Variants in EIF4G3 observed in about 807,000 individuals in gnomAD.
EIF4G3 encodes the protein eIF-4-gamma 3.
Under a neutral mutation model 186.4 loss-of-function variants are expected in EIF4G3, and 34 were observed. The ratio of observed to expected loss-of-function variants is 0.18; its 90% CI spans 0.14 to 0.24. The LOEUF is 0.24. Ranked by LOEUF, EIF4G3 falls within the 10% of genes least tolerant of loss-of-function variation. The pLI is 1.00. For missense variants in EIF4G3, 1,536 were observed against 1,948.5 expected, an observed-to-expected ratio of 0.79 and a Z score of 3.99; for synonymous variants, 673 against 679.5, an observed-to-expected ratio of 0.99 and a Z score of 0.15.
At chr1:20,819,531 C>T (rs1282731981) in intron 33 of EIF4G3, among the ~76,000 whole-genome samples, 2 of 152,104 alleles carry the variant, frequency 1.3e-5, no homozygotes, top group Admixed American at 6.6e-5. Context: ...TATCATGGCT[C>T]ACTGCAGCCT....
At chr1:20,814,762 TCCCCCTCCCCCTCC>T (rs2060053750) in intron 34 of EIF4G3, among the ~76,000 whole-genome samples, 1 of 15,226 alleles carries the variant, frequency 6.6e-5, no homozygotes, top group Non-Finnish European at 1.2e-4. Context: ...CCCCTCCCCC[TCCCCCTCCCCCTCC>T]CCCTCCCCCT....
At chr1:21,131,559 A>C (rs1362887823) in intron 2 of EIF4G3, among the ~76,000 whole-genome samples, 1 of 152,166 alleles carries the variant, frequency 6.6e-6, no homozygotes, top group Non-Finnish European at 1.5e-5. Flanking sequence ...GAAACATCAA[A>C]ATCAAACAGC....
chr1:21,051,059 G>A, intron 3 of EIF4G3, 65 bp from the exon 4 acceptor site: 1 of 701,450 alleles, frequency 1.4e-6, no homozygotes, highest in South Asian at 1.5e-5. Context: ...AAATACAGCT[G>A]AACTATCTGA....
chr1:20,963,074 C>G (rs971824785), intron 12 of EIF4G3, among the ~76,000 whole-genome samples: 9 of 151,762 alleles, frequency 5.9e-5, no homozygotes, highest in Non-Finnish European at 1.0e-4. Context: ...TCTGTTGACA[C>G]TTCTCTCTGT....
intron 7 of EIF4G3, among the ~76,000 whole-genome samples, chr1:20,988,025 G>A (rs1403321392): frequency 6.6e-6 from 1 of 152,196 alleles, no homozygotes; most frequent in Non-Finnish European, 1.5e-5. Context: ...AGTTTGGATA[G>A]AAGATCAAAC....
At chr1:20,983,005 T>C (rs887205680) in intron 7 of EIF4G3, among the ~76,000 whole-genome samples, 3 of 152,174 alleles carry the variant, frequency 2.0e-5, no homozygotes, top group Non-Finnish European at 4.4e-5. Context: ...AGCAAAATAT[T>C]CGTTGCTATC....
At chr1:20,818,154 A>C (rs1388244746) in intron 33 of EIF4G3, among the ~76,000 whole-genome samples, 1 of 152,072 alleles carries the variant, frequency 6.6e-6, no homozygotes, top group Non-Finnish European at 1.5e-5. Context: ...TAGCTCTTTA[A>C]GGCAGGATAG....
At position 21,007,530 on chromosome 1, in the gene EIF4G3, A is replaced by C. The variant is rs866717045; in HGVS notation, c.-66-4722T>G. 2.3e-4 allele frequency among the ~76,000 whole-genome samples: 33 copies of C among 142,788 alleles called. 1 individual carries two copies. Among genetic ancestry groups the C allele is most frequent in the African/African-American group, 8.3e-4 (32 of 38,426 alleles). 93.7% of individuals were successfully genotyped at this position (142,788 alleles called of 152,430 possible). A position where few individuals can be genotyped will look rare whatever the true frequency, so the allele number is the denominator to read the frequency against. ...GGCCCCTCCTTAAAAAAAAAAAAAA[A>C]AAAAAAACACACTCAAAAACAAAAA... On this transcript the variant is annotated intron_variant, in intron 4 of 36. Transcript: ENST00000602326.
chr1:20,921,959 G>T (rs928298149), intron 14 of EIF4G3, among the ~76,000 whole-genome samples: 1 of 152,202 alleles, frequency 6.6e-6, no homozygotes, highest in African/African-American at 2.4e-5. Flanking sequence ...ATTTGTCTCA[G>T]AGTAGTAAAT....
At position 20,864,686 on chromosome 1, in the gene EIF4G3, A is replaced by G; in HGVS notation, c.2796T>C (p.Asp932=). 1 of 1,614,174 alleles carries G rather than the reference A, an allele frequency of 6.2e-7. No individual in the cohort carries two copies. The highest frequency in any genetic ancestry group is 8.5e-7 in the Non-Finnish European group (1 of 1,180,018). ...SAPEERTRLH[D]ELEEAKDKAR... is the part of the protein sequence containing the mutation. Reference sequence around the variant, plus strand: ...CTTTGTCCTTGGCTTCTTCCAGTTCATCATGAAGCCTTGTCCTCTCCTCTG... The same window carrying G: ...CTTTGTCCTTGGCTTCTTCCAGTTCGTCATGAAGCCTTGTCCTCTCCTCTG... The change falls in exon 22 of 37, where the codon GAT becomes GAC. Residue 932 remains aspartate, a synonymous_variant. Transcript: ENST00000602326.
intron 2 of EIF4G3, among the ~76,000 whole-genome samples, chr1:21,110,590 T>A (rs1402419378): frequency 6.6e-6 from 1 of 151,574 alleles, no homozygotes; most frequent in African/African-American, 2.4e-5. Context: ...CCACCACGCC[T>A]GGCCTAATTT....
intron 33 of EIF4G3, among the ~76,000 whole-genome samples, chr1:20,823,952 A>G (rs2063009929): frequency 6.6e-6 from 1 of 152,232 alleles, no homozygotes; most frequent in Non-Finnish European, 1.5e-5. Context: ...TTCTCCAAAG[A>G]GCATTTTGAT....
chr1:21,160,131 G>A (rs1035604770), intron 2 of EIF4G3, among the ~76,000 whole-genome samples: 2 of 151,612 alleles, frequency 1.3e-5, no homozygotes, highest in Non-Finnish European at 2.9e-5. Context: ...AAAGATAATG[G>A]CTTCTTGAAA....
intron 3 of EIF4G3, among the ~76,000 whole-genome samples, chr1:21,065,397 C>CA (rs3081969): frequency 0.12 from 14,778 of 124,044 alleles, 989 homozygotes; most frequent in East Asian, 0.21. Context: ...TTGTTTCTAC[C>CA]AAAAAAAAAA....
At chr1:20,911,231 A>G (rs2093140673) in intron 14 of EIF4G3, among the ~76,000 whole-genome samples, 1 of 152,154 alleles carries the variant, frequency 6.6e-6, no homozygotes. Context: ...TATACCCGAA[A>G]AAACGAAAAA....
In EIF4G3 at chr1:20,814,782, CCCCTCT is replaced by C. The variant is rs1557738784; in HGVS notation, c.4516-1549_4516-1544del. On this transcript the variant is annotated intron_variant, in intron 34 of 36. Coordinates refer to ENST00000602326, the MANE Select transcript of EIF4G3 (RefSeq NM_001391906.1). ...CCCCCTCCCCCTCCCCCTCCCCCTC[CCCCTCT>C]CCCTCTCCCCACAGTCTCCTTCCAC... Among the ~76,000 whole-genome samples the C allele has an allele frequency of 5.7e-3, 378 of 66,492 alleles. 15 individuals carry two copies. In the East Asian group the frequency reaches 0.062, roughly 11 times the overall value. 43.6% of individuals were successfully genotyped at this position (66,492 alleles called of 152,430 possible).
chr1:20,990,313 C>T (rs1366456733), intron 7 of EIF4G3, among the ~76,000 whole-genome samples: 3 of 152,248 alleles, frequency 2.0e-5, no homozygotes, highest in African/African-American at 7.2e-5. Context: ...ATTGAAGACA[C>T]TTCACCAGCA....
intron 14 of EIF4G3, among the ~76,000 whole-genome samples, chr1:20,927,655 T>C (rs1186731390): frequency 1.3e-5 from 2 of 151,384 alleles, no homozygotes; most frequent in African/African-American, 4.9e-5. Flanking sequence ...GGTAGGAGAG[T>C]TGAAGGAAGA....
chr1:20,889,671 T>C (rs1009526879), intron 18 of EIF4G3, among the ~76,000 whole-genome samples: 3 of 152,168 alleles, frequency 2.0e-5, no homozygotes, highest in African/African-American at 7.2e-5. Flanking sequence ...TTTGTATTTT[T>C]AGTGGAGACG....
Sources: allele counts gnomAD v4.1 joint callset (sites outside exome capture counted in the v4.1 genomes callset), GRCh38; gene constraint gnomAD v4.1.1; transcripts MANE v1.5; gene names NCBI Gene and HGNC (gene_info 2026-07-23, HGNC 2026-07-21).